EEA1: variants seen among roughly 807,000 people sequenced by gnomAD.
EEA1 encodes the protein early endosome antigen 1.
Under a neutral mutation model 209.2 loss-of-function variants are expected in EEA1, and 111 were observed. That is an observed-to-expected ratio of 0.53 (90% CI 0.45 to 0.62). The LOEUF is 0.62. Ranked by LOEUF, EEA1 falls within the 20% of genes least tolerant of loss-of-function variation. The pLI, the probability that EEA1 is intolerant of heterozygous loss-of-function variation, is 0.00. For synonymous variants in EEA1, 536 were observed against 540.6 expected, an observed-to-expected ratio of 0.99 and a Z score of 0.12; for missense variants, 1,343 against 1,530.8, an observed-to-expected ratio of 0.88 and a Z score of 2.05.
chr12:92,883,678 G>C, intron 2 of EEA1: 1 of 677,502 alleles, frequency 1.5e-6, no homozygotes. Context: ...TTACTTTATC[G>C]TAAGAATACA....
intron 18 of EEA1, among the ~76,000 whole-genome samples, chr12:92,804,019 A>C (rs1212566821): frequency 6.6e-6 from 1 of 152,160 alleles, no homozygotes; most frequent in African/African-American, 2.4e-5. Context: ...AGAAATAAAC[A>C]AGTCCACAAT....
rs746414988 is a variant in EEA1 at position 92,826,177 on chromosome 12, G to A, written c.1513C>T (p.Arg505Ter). Residue 505 changes from arginine (R) to a stop codon, truncating the protein, a stop_gained, in exon 13 of 29, where the codon CGA becomes TGA. Coordinates refer to ENST00000322349, the MANE Select transcript of EEA1 (RefSeq NM_003566.4). LOFTEE classifies it high-confidence loss of function. Reference sequence around the variant, plus strand: ...CAACTAATGTTTACCTGAGCTTCTCGAAGTTTTGCCGTGGTGCTTTGCTGA... The same window carrying A: ...CAACTAATGTTTACCTGAGCTTCTCAAAGTTTTGCCGTGGTGCTTTGCTGA... ...ALQQSTTAKL[R>*]EAQNDLEQVL... The A allele has an allele frequency of 1.2e-6, 2 of 1,612,852 alleles. No individual in the cohort carries two copies. Among genetic ancestry groups the A allele is most frequent in the Non-Finnish European group, 1.7e-6 (2 of 1,179,242 alleles).
chr12:92,792,297 G>C (rs1229786110), intron 21 of EEA1, among the ~76,000 whole-genome samples: 1 of 151,726 alleles, frequency 6.6e-6, no homozygotes, highest in Non-Finnish European at 1.5e-5. Flanking sequence ...AGGAGATAGA[G>C]ACACAAAAAA....
At chr12:92,801,858 AAAT>A (rs1296235666) in intron 19 of EEA1, among the ~76,000 whole-genome samples, 157 bp from the exon 20 acceptor site, 3 of 152,044 alleles carry the variant, frequency 2.0e-5, no homozygotes, top group Non-Finnish European at 4.4e-5. Flanking sequence ...AAAACTAGGA[AAAT>A]ATTACAGAAG....
chr12:92,884,247 A>G lies in EEA1; in HGVS notation c.117+7382T>C, dbSNP rs144093690. 7,465 of 1,516,978 alleles carry G rather than the reference A, an allele frequency of 4.9e-3. 292 individuals carry two copies. The African/African-American group carries it at 0.084, about 17-fold the overall frequency. 94.0% of individuals were successfully genotyped at this position (1,516,978 alleles called of 1,614,324 possible). On this transcript the variant is annotated intron_variant, in intron 2 of 28. Coordinates refer to ENST00000322349, the MANE Select transcript of EEA1 (RefSeq NM_003566.4). ...ACCTTTGACGACCATGACTCCGTGG[A>G]TAAGACTGTCATTCAGAAATACCAT...
At chr12:92,833,889 T>A (rs1360937082) in intron 10 of EEA1, among the ~76,000 whole-genome samples, 1 of 152,130 alleles carries the variant, frequency 6.6e-6, no homozygotes, top group Non-Finnish European at 1.5e-5. Context: ...AAGGCACAAT[T>A]TTTTTAAAAA....
chr12:92,826,288 TA>T lies in EEA1; in HGVS notation c.1405-4del, dbSNP rs781154346. The T allele has an allele frequency of 4.4e-6, 7 of 1,607,136 alleles. No homozygotes were observed. The highest frequency in any genetic ancestry group is 4.0e-5 in the African/African-American group (3 of 74,636). On this transcript the variant is annotated splice_region_variant and splice_polypyrimidine_tract_variant and intron_variant, in intron 12 of 28. Coordinates refer to ENST00000322349, the MANE Select transcript of EEA1 (RefSeq NM_003566.4). ...GAATTTGTAACTTTTTCCTTCAACT[TA>T]AAAAAATGTAGATTGTCAATTGAGA...
At chr12:92,888,901 G>A (rs1276007319) in intron 2 of EEA1, among the ~76,000 whole-genome samples, 1 of 152,110 alleles carries the variant, frequency 6.6e-6, no homozygotes, top group Non-Finnish European at 1.5e-5. Context: ...TATAATCCCG[G>A]CACTTTGGGA....
intron 15 of EEA1, among the ~76,000 whole-genome samples, 178 bp from the exon 16 acceptor site, chr12:92,813,271 G>A (rs1875610702): frequency 6.6e-6 from 1 of 152,060 alleles, no homozygotes; most frequent in Non-Finnish European, 1.5e-5. Flanking sequence ...GAATGATAGG[G>A]GAGAAGACTC....
intron 9 of EEA1, among the ~76,000 whole-genome samples, chr12:92,846,986 C>T (rs576148146): frequency 6.6e-6 from 1 of 152,146 alleles, no homozygotes; most frequent in African/African-American, 2.4e-5. Context: ...GAGTCTCACT[C>T]TGCTGCCCAG....
rs183846900 is a variant in EEA1 at position 92,861,178 on chromosome 12, G to A, written c.245+3682C>T. ...ATTATAAAGAATTATTATTCTGGCC[G>A]GGCACGGTGGCTCACACCTGTAATC... is the stretch of plus-strand genomic sequence containing the variant. On this transcript the variant is annotated intron_variant, in intron 3 of 28. Coordinates refer to ENST00000322349, the MANE Select transcript of EEA1 (RefSeq NM_003566.4). 9.2e-5 allele frequency among the ~76,000 whole-genome samples: 14 copies of A among 152,254 alleles called. No individual in the cohort carries two copies. The East Asian group carries it at 1.5e-3, about 17-fold the overall frequency.
At chr12:92,885,774 G>C (rs570152038) in intron 2 of EEA1, among the ~76,000 whole-genome samples, 1 of 152,308 alleles carries the variant, frequency 6.6e-6, no homozygotes, top group East Asian at 1.9e-4. Context: ...CTGTCTCAGA[G>C]GTGGCAGAGG....
chr12:92,878,283 C>T (rs1161525278), intron 2 of EEA1, among the ~76,000 whole-genome samples: 1 of 151,716 alleles, frequency 6.6e-6, no homozygotes, highest in Non-Finnish European at 1.5e-5. Flanking sequence ...TTGGAAAAAA[C>T]AAAAACAAAA....
intron 1 of EEA1, among the ~76,000 whole-genome samples, chr12:92,928,602 G>A (rs1351727425): frequency 1.3e-5 from 2 of 152,128 alleles, no homozygotes; most frequent in Non-Finnish European, 2.9e-5. Context: ...CAAATTGGGG[G>A]GCACGGGGAG....
rs1454591195 is a variant in EEA1 at position 92,826,088 on chromosome 12, A to G, written c.1524+78T>C. On this transcript the variant is annotated intron_variant, in intron 13 of 28. Coordinates refer to ENST00000322349, the MANE Select transcript of EEA1 (RefSeq NM_003566.4). ...AAAGGATAATGATTTGGATTAATTAATTTTATTTTTTCTCTTATATTCTAT... is the reference window on the plus strand; with the variant it reads ...AAAGGATAATGATTTGGATTAATTAGTTTTATTTTTTCTCTTATATTCTAT... The G allele has an allele frequency of 2.1e-6, 3 of 1,432,664 alleles. No homozygotes were observed. In the African/African-American group the frequency reaches 4.3e-5, roughly 21 times the overall value. The allele number at this position is 1,432,664 out of a possible 1,614,324, so 88.7% of individuals were successfully genotyped here.
intron 1 of EEA1, among the ~76,000 whole-genome samples, chr12:92,893,156 G>A (rs989805997): frequency 2.0e-5 from 3 of 152,100 alleles, no homozygotes; most frequent in Non-Finnish European, 4.4e-5. Flanking sequence ...TTAAAATCTA[G>A]GTGTTACTTT....
At chr12:92,848,549 T>C (rs1877474648) in intron 9 of EEA1, among the ~76,000 whole-genome samples, 1 of 152,024 alleles carries the variant, frequency 6.6e-6, no homozygotes, top group African/African-American at 2.4e-5. Context: ...GATATAAAGG[T>C]ATTTTAATCT....
At chr12:92,867,514 G>C (rs568157348) in intron 2 of EEA1, among the ~76,000 whole-genome samples, 3 of 151,958 alleles carry the variant, frequency 2.0e-5, no homozygotes, top group Non-Finnish European at 4.4e-5. Flanking sequence ...TTCTAAGGGA[G>C]AAAATGAGCT....
At chr12:92,810,476 C>T (rs969038001) in intron 17 of EEA1, among the ~76,000 whole-genome samples, 11 of 151,888 alleles carry the variant, frequency 7.2e-5, no homozygotes, top group African/African-American at 2.7e-4. Flanking sequence ...AAAAAGGAAC[C>T]TATAAACAGA....
Sources: allele counts gnomAD v4.1 joint callset (sites outside exome capture counted in the v4.1 genomes callset), GRCh38; gene constraint gnomAD v4.1.1; transcripts MANE v1.5; gene names NCBI Gene and HGNC (gene_info 2026-07-23, HGNC 2026-07-21).